Variants in ZMIZ1 observed in about 807,000 individuals in gnomAD.
ZMIZ1 encodes the protein zinc finger MIZ-type containing 1.
ZMIZ1 carries 17 observed loss-of-function variants against 113.9 expected under a neutral mutation model. The ratio of observed to expected loss-of-function variants is 0.15; its 90% CI spans 0.10 to 0.22. ZMIZ1 has a LOEUF of 0.22. ZMIZ1 is among the 10% of genes least tolerant of loss of function. ZMIZ1 has a pLI of 1.00. For missense variants in ZMIZ1, 1,059 were observed against 1,477.8 expected, an observed-to-expected ratio of 0.72 and a Z score of 4.65; for synonymous variants, 607 against 603.1, an observed-to-expected ratio of 1.01 and a Z score of -0.09.
intron 1 of ZMIZ1, among the ~76,000 whole-genome samples, chr10:79,095,646 C>G (rs148097063): frequency 6.6e-6 from 1 of 152,200 alleles, no homozygotes; most frequent in Non-Finnish European, 1.5e-5. Flanking sequence ...GGGCTTGGAA[C>G]GCACCTAACA....
At chr10:79,130,598 T>C (rs576856602) in intron 2 of ZMIZ1, among the ~76,000 whole-genome samples, 66 of 152,288 alleles carry the variant, frequency 4.3e-4, no homozygotes, top group Non-Finnish European at 7.3e-4. Context: ...CAGACCAAGA[T>C]GATGGCAGGA....
At chr10:79,092,111 G>A (rs1843000189) in intron 1 of ZMIZ1, among the ~76,000 whole-genome samples, 2 of 152,108 alleles carry the variant, frequency 1.3e-5, no homozygotes, top group African/African-American at 4.8e-5. Flanking sequence ...TGAAGATCTG[G>A]GTGCAGGCTT....
In ZMIZ1 at chr10:79,312,675, C is replaced by T; in HGVS notation, c.3130C>T (p.Leu1044=). ...LPELTNPDEL[L]SYLDPPDLPS... Reference sequence around the variant, plus strand: ...CGAACTCACAAATCCTGACGAGCTCCTGTCTTATCTGGACCCCCCCGACCT... The same window carrying T: ...CGAACTCACAAATCCTGACGAGCTCTTGTCTTATCTGGACCCCCCCGACCT... Residue 1044 remains leucine (L), a synonymous_variant, in exon 25 of 25, where the codon CTG becomes TTG. Transcript: ENST00000334512. The T allele has an allele frequency of 6.2e-7, 1 of 1,614,234 alleles. No homozygotes were observed. The highest frequency in any genetic ancestry group is 8.5e-7 in the Non-Finnish European group (1 of 1,180,036).
intron 7 of ZMIZ1, among the ~76,000 whole-genome samples, chr10:79,227,756 A>G (rs1422215904): frequency 6.6e-6 from 1 of 152,214 alleles, no homozygotes; most frequent in Non-Finnish European, 1.5e-5. Flanking sequence ...GGTAGGGCCA[A>G]GGTAAATGCC....
chr10:79,189,970 C>T (rs1287609460), intron 4 of ZMIZ1, among the ~76,000 whole-genome samples: 3 of 152,228 alleles, frequency 2.0e-5, no homozygotes, highest in Non-Finnish European at 2.9e-5. Flanking sequence ...AGCTGACGCA[C>T]GCCCCTCCCA....
chr10:79,157,368 G>GGT (rs10573955), intron 3 of ZMIZ1, among the ~76,000 whole-genome samples: 21,282 of 147,476 alleles, frequency 0.14, 1,543 homozygotes, highest in South Asian at 0.19. Context: ...AGGCATAAGG[G>GGT]GTGTGTGTGT....
intron 1 of ZMIZ1, among the ~76,000 whole-genome samples, chr10:79,075,957 C>T (rs539946155): frequency 1.6e-4 from 24 of 152,282 alleles, no homozygotes; most frequent in South Asian, 8.3e-4. Context: ...AGGATGGGGA[C>T]GGTGTGCCTT....
chr10:79,216,314 T>A (rs1215040784), intron 7 of ZMIZ1, 40 bp downstream of exon 7: 19 of 1,539,102 alleles, frequency 1.2e-5, no homozygotes, highest in Non-Finnish European at 1.3e-5. Context: ...CACTGGGAGG[T>A]GGGGAGGGGA....
At chr10:79,212,617 G>A (rs907151999) in intron 6 of ZMIZ1, among the ~76,000 whole-genome samples, 19 of 152,130 alleles carry the variant, frequency 1.2e-4, no homozygotes, top group African/African-American at 3.4e-4. Flanking sequence ...TTAGCTGGAC[G>A]TGGTGGCACA....
At chr10:79,261,424 C>T (rs144055164) in intron 7 of ZMIZ1, among the ~76,000 whole-genome samples, 2 of 152,288 alleles carry the variant, frequency 1.3e-5, no homozygotes, top group East Asian at 1.9e-4. Flanking sequence ...GAGAGAGCTG[C>T]GTGCTGATTA....
At chr10:79,166,415 G>A (rs888651836) in intron 4 of ZMIZ1, among the ~76,000 whole-genome samples, 9 of 152,248 alleles carry the variant, frequency 5.9e-5, no homozygotes, top group Admixed American at 3.9e-4. Context: ...CCCAGCTGCT[G>A]GAGGCTGCAC....
chr10:79,109,996 G>A (rs1443665078), intron 1 of ZMIZ1, among the ~76,000 whole-genome samples: 1 of 152,250 alleles, frequency 6.6e-6, no homozygotes, highest in East Asian at 1.9e-4. Flanking sequence ...AAGGCTGCAG[G>A]GTGGTACCCA....
At chr10:79,152,435 A>C (rs983491450) in intron 3 of ZMIZ1, among the ~76,000 whole-genome samples, 6 of 152,156 alleles carry the variant, frequency 3.9e-5, no homozygotes, top group Admixed American at 2.6e-4. Flanking sequence ...AGGAGGTCGA[A>C]GCTACAGTGA....
At chr10:79,304,325 G>A (rs964912994) in intron 19 of ZMIZ1, 150 bp downstream of exon 19, 16 of 1,164,256 alleles carry the variant, frequency 1.4e-5, no homozygotes, top group Middle Eastern at 2.4e-4. Context: ...ATTAATTTCC[G>A]CCATCATTTA....
At chr10:79,132,771 G>T (rs960058464) in intron 2 of ZMIZ1, among the ~76,000 whole-genome samples, 1 of 152,206 alleles carries the variant, frequency 6.6e-6, no homozygotes, top group Non-Finnish European at 1.5e-5. Flanking sequence ...AGGCAGTGGG[G>T]TGGGGGCAGG....
chr10:79,088,424 C>T lies in ZMIZ1; in HGVS notation c.-337+19154C>T, dbSNP rs562800745. 1.4e-4 allele frequency among the ~76,000 whole-genome samples: 22 copies of T among 152,306 alleles called. No homozygotes were observed. The East Asian group carries it at 3.3e-3, about 23-fold the overall frequency. On this transcript the variant is annotated intron_variant, in intron 1 of 24. Coordinates refer to ENST00000334512, the MANE Select transcript of ZMIZ1 (RefSeq NM_020338.4). ...AAATGAGCTCCAGCTTGCCATGGTG[C>T]TGGGGGAGGGCCACCCTTCTGCTGG... is the stretch of plus-strand genomic sequence containing the variant.
chr10:79,205,311 C>G (rs992867764), intron 5 of ZMIZ1, among the ~76,000 whole-genome samples: 1 of 152,210 alleles, frequency 6.6e-6, no homozygotes, highest in Admixed American at 6.5e-5. Flanking sequence ...TGCCCTGGCC[C>G]CTCCCTCCAC....
chr10:79,175,630 GGAGGTTTTTACAGACCCGCA>G (rs1846821911), intron 4 of ZMIZ1, among the ~76,000 whole-genome samples: 1 of 96,432 alleles, frequency 1.0e-5, no homozygotes, highest in African/African-American at 3.7e-5. Context: ...GTGTGTGTGT[GGAGGTTTTTACAGACCCGCA>G]TGTATGTGTC....
chr10:79,154,933 T>A (rs1845849674), intron 3 of ZMIZ1, among the ~76,000 whole-genome samples: 1 of 152,222 alleles, frequency 6.6e-6, no homozygotes, highest in Admixed American at 6.5e-5. Context: ...TTATGGCCCC[T>A]GTTTACGGAG....
Sources: allele counts gnomAD v4.1 joint callset (sites outside exome capture counted in the v4.1 genomes callset), GRCh38; gene constraint gnomAD v4.1.1; transcripts MANE v1.5; gene names NCBI Gene and HGNC (gene_info 2026-07-23, HGNC 2026-07-21).